The following MAPK10 variants were observed in gnomAD, a reference collection of about 807,000 sequenced individuals.
The protein encoded by MAPK10 is JNK3 alpha protein kinase.
A neutral mutation model predicts 59.3 loss-of-function variants in MAPK10; 25 were observed. The observed-to-expected ratio is 0.42, with a 90% CI of 0.31 to 0.59. The LOEUF is 0.59. Ranked by LOEUF, MAPK10 falls within the 20% of genes least tolerant of loss-of-function variation. The probability of loss-of-function intolerance (pLI) is 0.15; values close to 1 mark genes in which losing one functional copy is unlikely to be tolerated. For synonymous variants in MAPK10, 190 were observed against 200.5 expected (o/e 0.95, Z 0.44); for missense variants, 351 against 568.9 (o/e 0.62, Z 3.90).
At chr4:86,431,986 G>C (rs1748105973) in intron 1 of MAPK10, among the ~76,000 whole-genome samples, 2 of 152,302 alleles carry the variant, frequency 1.3e-5, no homozygotes, top group Non-Finnish European at 2.9e-5. Context: ...TTATTAGGAA[G>C]GAATGCTGGT....
At chr4:86,529,361 C>T (rs1252747128) in intron 1 of MAPK10, among the ~76,000 whole-genome samples, 1 of 152,138 alleles carries the variant, frequency 6.6e-6, no homozygotes, top group Admixed American at 6.5e-5. Flanking sequence ...AGTCTGCAGG[C>T]ATGTGAGGAC....
chr4:86,295,753 TTA>T (rs59281488), intron 2 of MAPK10, among the ~76,000 whole-genome samples: 6 of 143,146 alleles, frequency 4.2e-5, no homozygotes, highest in Non-Finnish European at 6.0e-5. Context: ...TATATATATT[TTA>T]TATATATATA....
At chr4:86,496,869 T>G (rs866707382) in intron 1 of MAPK10, among the ~76,000 whole-genome samples, 1 of 152,330 alleles carries the variant, frequency 6.6e-6, no homozygotes, top group African/African-American at 2.4e-5. Flanking sequence ...GTCAGCTTTA[T>G]AGATAATCCA....
chr4:86,377,554 CTATTTA>C (rs1740011773), intron 1 of MAPK10, among the ~76,000 whole-genome samples: 1 of 152,196 alleles, frequency 6.6e-6, no homozygotes, highest in African/African-American at 2.4e-5. Flanking sequence ...AGGGACCTTT[CTATTTA>C]TGTCTATATC....
Position 86,031,437 on chromosome 4 carries a change from G to C in MAPK10, c.1111-6C>G. On this transcript the variant is annotated splice_polypyrimidine_tract_variant and splice_region_variant and intron_variant, in intron 11 of 13. Coordinates refer to ENST00000641462, the MANE Select transcript of MAPK10 (RefSeq NM_138982.4). Reference sequence around the variant, plus strand: ...TCATATATCTGAGGTGGAGGCTGCCGAATAAAAACAAAAAATAATCTTTGT... The same window carrying C: ...TCATATATCTGAGGTGGAGGCTGCCCAATAAAAACAAAAAATAATCTTTGT... 1 of 1,604,388 alleles carries C rather than the reference G, an allele frequency of 6.2e-7. No individual in the cohort carries two copies. Among genetic ancestry groups the C allele is most frequent in the Admixed American group, 1.7e-5 (1 of 59,888 alleles).
chr4:86,136,522 C>T (rs2062149169), intron 4 of MAPK10, among the ~76,000 whole-genome samples: 1 of 150,406 alleles, frequency 6.6e-6, no homozygotes, highest in South Asian at 2.1e-4. Context: ...CCTAAAAGAG[C>T]TCCTGAAGGA....
At chr4:86,591,173 C>G (rs1043088028) in intron 1 of MAPK10, among the ~76,000 whole-genome samples, 2 of 152,158 alleles carry the variant, frequency 1.3e-5, no homozygotes, top group Non-Finnish European at 2.9e-5. Flanking sequence ...GCCCTCCTGC[C>G]TTGGCCTTCT....
At chr4:86,229,480 A>C (rs539101028) in intron 2 of MAPK10, among the ~76,000 whole-genome samples, 1 of 152,256 alleles carries the variant, frequency 6.6e-6, no homozygotes, top group Admixed American at 6.5e-5. Context: ...TAACTTACAA[A>C]CCCTACAAGT....
chr4:86,378,451 C>T (rs1740156866), intron 1 of MAPK10, among the ~76,000 whole-genome samples: 1 of 151,620 alleles, frequency 6.6e-6, no homozygotes, highest in Non-Finnish European at 1.5e-5. Context: ...CACCTCTATC[C>T]CTTACTCACT....
intron 4 of MAPK10, among the ~76,000 whole-genome samples, chr4:86,122,489 T>C (rs973607288): frequency 2.6e-5 from 4 of 152,114 alleles, no homozygotes; most frequent in Admixed American, 6.6e-5. Flanking sequence ...CCATGTTTCA[T>C]CTCCTGTTAC....
At chr4:86,298,734 C>T (rs188404265) in intron 2 of MAPK10, among the ~76,000 whole-genome samples, 42 of 152,334 alleles carry the variant, frequency 2.8e-4, no homozygotes, top group Admixed American at 5.2e-4. Flanking sequence ...TTCTTGGTGA[C>T]TGGCCCAAAT....
chr4:86,095,188 A>G (rs917760111), intron 9 of MAPK10: 1 of 151,682 alleles, frequency 6.6e-6, no homozygotes, highest in Admixed American at 6.6e-5. Flanking sequence ...AGTAACCAAG[A>G]CAATTCCCTG....
intron 9 of MAPK10, among the ~76,000 whole-genome samples, chr4:86,070,695 T>C (rs1364585317): frequency 1.3e-5 from 2 of 151,340 alleles, no homozygotes; most frequent in African/African-American, 2.4e-5. Context: ...TCCAGTTTCA[T>C]CCATGTCCCT....
chr4:86,054,892 G>A (rs1441991254), intron 11 of MAPK10, among the ~76,000 whole-genome samples: 1 of 152,208 alleles, frequency 6.6e-6, no homozygotes, highest in Non-Finnish European at 1.5e-5. Flanking sequence ...GACAGATGGA[G>A]AGAACAGCTG....
At chr4:86,247,548 T>C (rs536434672) in intron 2 of MAPK10, among the ~76,000 whole-genome samples, 6 of 152,282 alleles carry the variant, frequency 3.9e-5, no homozygotes, top group Admixed American at 1.3e-4. Flanking sequence ...TCACAGCCCC[T>C]ACTCTCATAG....
Position 86,577,310 on chromosome 4 carries a change from C to CA in MAPK10, c.-263+16599dup, listed in dbSNP as rs946604313. Reference sequence around the variant, plus strand: ...TGGGTGACAGAGAAAGACCTTGTCTCAAAAAAATTTTTTTTAATTAAAAAG... The same window carrying CA: ...TGGGTGACAGAGAAAGACCTTGTCTCAAAAAAAATTTTTTTTAATTAAAAAG... On this transcript the variant is annotated intron_variant, in intron 1 of 4. Coordinates refer to the MAPK10 transcript ENST00000502302. Among the ~76,000 whole-genome samples the CA allele has an allele frequency of 3.3e-5, 5 of 151,312 alleles. No individual in the cohort carries two copies. In the South Asian group the frequency reaches 8.4e-4, roughly 25 times the overall value.
chr4:86,194,761 T>A (rs2080886159), intron 2 of MAPK10, among the ~76,000 whole-genome samples: 1 of 151,768 alleles, frequency 6.6e-6, no homozygotes, highest in African/African-American at 2.4e-5. Flanking sequence ...CAACAGGATA[T>A]ATATATTTAT....
chr4:86,469,448 G>T (rs1311378486), intron 1 of MAPK10, among the ~76,000 whole-genome samples: 2 of 152,184 alleles, frequency 1.3e-5, no homozygotes, highest in African/African-American at 4.8e-5. Flanking sequence ...TGGGCAGGTT[G>T]TTGGACCAGG....
At chr4:86,499,149 A>G (rs760912603) in intron 1 of MAPK10, among the ~76,000 whole-genome samples, 1 of 152,220 alleles carries the variant, frequency 6.6e-6, no homozygotes, top group Non-Finnish European at 1.5e-5. Context: ...ACTCCTCCCA[A>G]AATCAGTGTC....
Sources: allele counts gnomAD v4.1 joint callset (sites outside exome capture counted in the v4.1 genomes callset), GRCh38; gene constraint gnomAD v4.1.1; transcripts MANE v1.5; gene names NCBI Gene and HGNC (gene_info 2026-07-23, HGNC 2026-07-21).